The following GNG7 variants were observed in gnomAD, a reference collection of about 807,000 sequenced individuals.
GNG7 encodes G protein subunit gamma 7, also known as guanine nucleotide-binding protein G(I)/G(S)/G(O) subunit gamma-7.
Under a neutral mutation model 4.0 loss-of-function variants are expected in GNG7, and 1 was observed. The ratio of observed to expected loss-of-function variants is 0.25; its 90% CI spans 0.09 to 1.18. The LOEUF is 1.18. GNG7 is among the 50% of genes most tolerant of loss of function. The pLI is 0.50. For missense variants in GNG7, 86 were observed against 91.9 expected, an observed-to-expected ratio of 0.94 and a Z score of 0.26; for synonymous variants, 34 against 36.9, an observed-to-expected ratio of 0.92 and a Z score of 0.29.
chr19:2,640,052 A>AGGAAGGAGGGAGGGAGAGAG (rs1344659918), intron 2 of GNG7, among the ~76,000 whole-genome samples: 1 of 84,428 alleles, frequency 1.2e-5, no homozygotes, highest in East Asian at 4.7e-4. Context: ...GAAGAAAGGA[A>AGGAAGGAGGGAGGGAGAGAG]GGAAGGAGGG....
chr19:2,695,926 A>G (rs1913234523), intron 1 of GNG7, among the ~76,000 whole-genome samples: 1 of 152,164 alleles, frequency 6.6e-6, no homozygotes, highest in South Asian at 2.1e-4. Context: ...TGGGAGGCCG[A>G]GGCGGGCAGA....
chr19:2,580,054 G>A (rs1980457505), intron 2 of GNG7, among the ~76,000 whole-genome samples: 5 of 152,088 alleles, frequency 3.3e-5, no homozygotes, highest in Admixed American at 3.3e-4. Flanking sequence ...CACCCCCCCA[G>A]TGCCATCCCA....
At chr19:2,693,733 T>A (rs1034376363) in intron 1 of GNG7, among the ~76,000 whole-genome samples, 1 of 152,050 alleles carries the variant, frequency 6.6e-6, no homozygotes, top group African/African-American at 2.4e-5. Flanking sequence ...CAGACGTTGC[T>A]CAGTGTCCCC....
At chr19:2,645,613 C>T (rs1197070913) in intron 2 of GNG7, among the ~76,000 whole-genome samples, 3 of 152,058 alleles carry the variant, frequency 2.0e-5, no homozygotes, top group Non-Finnish European at 4.4e-5. Flanking sequence ...TCACCCCGAC[C>T]CGACCATCGG....
rs149026241 is a variant in GNG7, at chr19:2,537,262, T to C, written c.-37-16537A>G. On this transcript the variant is annotated intron_variant, in intron 3 of 4. Transcript: ENST00000382159. ...CCGCGCCCGGCCACATACATATTTT[T>C]AGAGCCAGGTTCTCACTCTGTTGTC... is the stretch of plus-strand genomic sequence containing the variant. 3.5e-3 allele frequency among the ~76,000 whole-genome samples: 530 copies of C among 152,114 alleles called. 4 individuals carry two copies. Among genetic ancestry groups the C allele is most frequent in the Middle Eastern group, 0.021 (6 of 292 alleles).
intron 2 of GNG7, among the ~76,000 whole-genome samples, chr19:2,565,895 C>T (rs982536665): frequency 3.3e-5 from 5 of 152,168 alleles, no homozygotes; most frequent in Non-Finnish European, 7.3e-5. Flanking sequence ...CGGTGGCTCA[C>T]GCCTGTTATC....
chr19:2,513,546 A>G lies in GNG7; in HGVS notation c.*1476T>C. 1 of 985,368 alleles carries G rather than the reference A, an allele frequency of 1.0e-6. No homozygotes were observed. The highest frequency in any genetic ancestry group is 1.2e-6 in the Non-Finnish European group (1 of 829,982). 61.0% of individuals were successfully genotyped at this position (985,368 alleles called of 1,614,324 possible). A position where few individuals can be genotyped will look rare whatever the true frequency, so the allele number is the denominator to read the frequency against. On this transcript the variant is annotated 3_prime_UTR_variant, in exon 5 of 5. Transcript: ENST00000382159. ...CGACCCCATGACATCTTCGATTTCC[A>G]CTTGCCGCTGGGAGGAGTGGCCCAT... is the stretch of plus-strand genomic sequence containing the variant.
rs957584452 is a variant in GNG7 at position 2,636,940 on chromosome 19, G to A, written c.-78+9284C>T. Among the ~76,000 whole-genome samples the A allele has an allele frequency of 9.3e-5, 14 of 150,774 alleles. 1 individual carries two copies. The highest frequency in any genetic ancestry group is 6.3e-4 in the South Asian group (3 of 4,732). ...CACACCTGCGCCCATCTGCACCTCC[G>A]TCCCCACTTGTGCCCACCTGCGCCC... On this transcript the variant is annotated intron_variant, in intron 2 of 4. Coordinates refer to ENST00000382159, the MANE Select transcript of GNG7 (RefSeq NM_052847.3).
chr19:2,588,490 C>T (rs1196932175), intron 2 of GNG7, among the ~76,000 whole-genome samples: 2 of 152,188 alleles, frequency 1.3e-5, no homozygotes, highest in South Asian at 2.1e-4. Flanking sequence ...CCGGGCAGGG[C>T]GGTCAAAGGG....
chr19:2,603,221 C>T (rs1981268933), intron 2 of GNG7, among the ~76,000 whole-genome samples: 1 of 152,112 alleles, frequency 6.6e-6, no homozygotes, highest in Admixed American at 6.6e-5. Context: ...TGCGCACCAC[C>T]ATGCCTGGCT....
At chr19:2,588,600 T>G (rs1980747850) in intron 2 of GNG7, among the ~76,000 whole-genome samples, 1 of 152,182 alleles carries the variant, frequency 6.6e-6, no homozygotes, top group South Asian at 2.1e-4. Context: ...CCGTATTTCT[T>G]AGCCATCCTC....
chr19:2,637,279 A>C (rs575242605), intron 2 of GNG7, among the ~76,000 whole-genome samples: 1 of 152,126 alleles, frequency 6.6e-6, no homozygotes, highest in Non-Finnish European at 1.5e-5. Flanking sequence ...GGCCTGCAGA[A>C]GGATAGGAGC....
chr19:2,666,029 C>A (rs1983301601), intron 1 of GNG7, among the ~76,000 whole-genome samples: 1 of 151,986 alleles, frequency 6.6e-6, no homozygotes. Context: ...CCACGCCCAG[C>A]TAATTTTTGT....
rs1203554605 is a variant in GNG7, at chr19:2,657,343, AAAAAAAAAAAAAAAAAAAATAT to A, written c.-134-11085_-134-11064del. Among the ~76,000 whole-genome samples, 11 of 12,974 alleles carry A rather than the reference AAAAAAAAAAAAAAAAAAAATAT, an allele frequency of 8.5e-4. 1 individual carries two copies. The South Asian group carries it at 0.011, about 13-fold the overall frequency. The allele number at this position is 12,974 out of a possible 152,430, so 8.5% of individuals were successfully genotyped here. A position where few individuals can be genotyped will look rare whatever the true frequency, so the allele number is the denominator to read the frequency against. ...AGCAAGACCCCGTCTCAATTAAAAA[AAAAAAAAAAAAAAAAAAAATAT>A]ATATATATATATATATATATATATA... is the stretch of plus-strand genomic sequence containing the variant. On this transcript the variant is annotated intron_variant, in intron 1 of 4. Coordinates refer to ENST00000382159, the MANE Select transcript of GNG7 (RefSeq NM_052847.3).
At chr19:2,551,463 G>A (rs1042754180) in intron 3 of GNG7, among the ~76,000 whole-genome samples, 10 of 151,426 alleles carry the variant, frequency 6.6e-5, no homozygotes, top group Admixed American at 6.6e-4. Context: ...AAAATCTAGG[G>A]AACGCCAAAA....
chr19:2,690,965 C>T (rs1448768747), intron 1 of GNG7, among the ~76,000 whole-genome samples: 1 of 152,178 alleles, frequency 6.6e-6, no homozygotes, highest in Non-Finnish European at 1.5e-5. Flanking sequence ...CCCGTAGAAT[C>T]TTCAACACCA....
At chr19:2,648,055 T>C (rs1166990471) in intron 1 of GNG7, among the ~76,000 whole-genome samples, 1 of 138,970 alleles carries the variant, frequency 7.2e-6, no homozygotes, top group South Asian at 2.3e-4. Flanking sequence ...AAAAAGCCAC[T>C]TGGGATCCAG....
intron 2 of GNG7, among the ~76,000 whole-genome samples, chr19:2,628,392 C>G (rs1358771733): frequency 1.3e-5 from 2 of 152,084 alleles, no homozygotes; most frequent in African/African-American, 4.8e-5. Flanking sequence ...CTCTGAGCCC[C>G]TAGAGGCTAC....
intron 2 of GNG7, among the ~76,000 whole-genome samples, chr19:2,567,152 A>AC (rs1979943767): frequency 1.4e-5 from 2 of 141,518 alleles, no homozygotes; most frequent in African/African-American, 2.5e-5. Flanking sequence ...ACAAAAAAAA[A>AC]AACACAAAAA....
Sources: gnomAD v4.1 joint callset for allele counts (sites outside exome capture counted in the v4.1 genomes callset) on GRCh38, gnomAD v4.1.1 for gene constraint, MANE v1.5 for transcripts, NCBI Gene and HGNC (gene_info 2026-07-23, HGNC 2026-07-21) for gene names.